The following NOS1 variants were observed in gnomAD, a reference collection of about 807,000 sequenced individuals.
NOS1 encodes nitric oxide synthase 1.
NOS1 carries 51 observed loss-of-function variants against 164.5 expected under a neutral mutation model. That is an observed-to-expected ratio of 0.31 (90% CI 0.25 to 0.39). The LOEUF (loss-of-function observed/expected upper bound fraction) is 0.39, where lower values mean the gene tolerates loss of function less well. Among genes scored for constraint, NOS1 ranks in the 10% least tolerant of loss-of-function variants. The pLI is 1.00. For synonymous variants in NOS1, 719 were observed against 745.8 expected (o/e 0.96, Z 0.59); for missense variants, 1,362 against 1,885.6 (o/e 0.72, Z 5.14).
intron 1 of NOS1, among the ~76,000 whole-genome samples, chr12:117,341,218 C>T (rs1308922795): frequency 1.3e-5 from 2 of 152,148 alleles, no homozygotes; most frequent in Admixed American, 6.5e-5. Context: ...GGTACGGACA[C>T]GTGGACTGGT....
At chr12:117,264,101 G>T in intron 12 of NOS1, 127 bp from the exon 13 acceptor site, 1 of 360,816 alleles carries the variant, frequency 2.8e-6, no homozygotes, top group South Asian at 2.8e-5. Flanking sequence ...GAAGAATTCT[G>T]CCCAGTGGTG....
At chr12:117,264,488 TTCTC>T (rs1214630555) in intron 12 of NOS1, among the ~76,000 whole-genome samples, 5 of 150,700 alleles carry the variant, frequency 3.3e-5, no homozygotes, top group Non-Finnish European at 5.9e-5. Context: ...TTTCCTTTCT[TTCTC>T]TTTCTTTCTC....
rs1956550463 is a variant in NOS1, at chr12:117,212,918, G to T, written c.*2391C>A. ...CATCAGATCGCTCTCCTGCCTTCTA[G>T]CCTGGAGTTGTGAAGCAGCTTGTGT... On this transcript the variant is annotated 3_prime_UTR_variant, in exon 29 of 29. Transcript: ENST00000317775. 1.0e-6 allele frequency: 1 copy of T among 985,268 alleles called. No individual in the cohort carries two copies. Among genetic ancestry groups the T allele is most frequent in the Non-Finnish European group, 1.2e-6 (1 of 829,926 alleles). 61.0% of individuals were successfully genotyped at this position (985,268 alleles called of 1,614,324 possible). A position where few individuals can be genotyped will look rare whatever the true frequency, so the allele number is the denominator to read the frequency against.
chr12:117,348,151 C>T (rs1486517220), intron 1 of NOS1: 2 of 151,926 alleles, frequency 1.3e-5, no homozygotes, highest in African/African-American at 4.8e-5. Context: ...CGGGACACAT[C>T]CCCACCTGAG....
chr12:117,258,352 T>C, intron 16 of NOS1, 45 bp downstream of exon 16: 1 of 1,597,968 alleles, frequency 6.3e-7, no homozygotes. Context: ...AATGTCCAGT[T>C]ACCCTCGGGG....
At chr12:117,300,361 T>C (rs1218711377) in intron 3 of NOS1, among the ~76,000 whole-genome samples, 1 of 152,154 alleles carries the variant, frequency 6.6e-6, no homozygotes, top group African/African-American at 2.4e-5. Flanking sequence ...ATATACTCAC[T>C]CTTAAAACAA....
chr12:117,247,892 G>A (rs1413352781), intron 17 of NOS1, among the ~76,000 whole-genome samples: 2 of 149,550 alleles, frequency 1.3e-5, no homozygotes, highest in Admixed American at 1.3e-4. Flanking sequence ...CTTATAGTGA[G>A]CCAAGATAGC....
intron 2 of NOS1, among the ~76,000 whole-genome samples, chr12:117,322,133 CCTCT>C (rs1176619830): frequency 1.2e-4 from 15 of 130,268 alleles, no homozygotes; most frequent in East Asian, 2.7e-4. Flanking sequence ...TCCTTCCTTC[CCTCT>C]CTTTTTCCTT....
At chr12:117,343,372 G>T (rs1876206555) in intron 1 of NOS1, among the ~76,000 whole-genome samples, 1 of 152,172 alleles carries the variant, frequency 6.6e-6, no homozygotes, top group African/African-American at 2.4e-5. Context: ...TAATAATTTA[G>T]TTGTGGTCTA....
intron 2 of NOS1, among the ~76,000 whole-genome samples, chr12:117,316,133 G>A (rs1212706461): frequency 6.6e-6 from 1 of 152,138 alleles, no homozygotes; most frequent in Non-Finnish European, 1.5e-5. Context: ...GCCACATGTG[G>A]CTTAAGTCTA....
intron 1 of NOS1, among the ~76,000 whole-genome samples, chr12:117,338,896 G>C (rs1875964312): frequency 6.6e-6 from 1 of 152,208 alleles, no homozygotes; most frequent in South Asian, 2.1e-4. Flanking sequence ...TTTCAGCCCT[G>C]TTTCCCATCT....
intron 3 of NOS1, among the ~76,000 whole-genome samples, chr12:117,304,182 C>A (rs1555258247): frequency 2.0e-5 from 3 of 151,672 alleles, no homozygotes; most frequent in Admixed American, 6.6e-5. Flanking sequence ...AAAAAAAAAA[C>A]CACAAAAACA....
chr12:117,335,490 T>G (rs554963315), intron 1 of NOS1, among the ~76,000 whole-genome samples: 1 of 152,266 alleles, frequency 6.6e-6, no homozygotes, highest in African/African-American at 2.4e-5. Context: ...GTGAGGAAAT[T>G]AGTAGCTGAC....
Position 117,213,277 on chromosome 12 carries a change from A to G in NOS1, c.*2032T>C, listed in dbSNP as rs1956555186. The G allele has an allele frequency of 1.0e-6, 1 of 985,386 alleles. No homozygotes were observed. 61.0% of individuals were successfully genotyped at this position (985,386 alleles called of 1,614,324 possible). A position where few individuals can be genotyped will look rare whatever the true frequency, so the allele number is the denominator to read the frequency against. On this transcript the variant is annotated 3_prime_UTR_variant, in exon 29 of 29. Coordinates refer to ENST00000317775, the MANE Select transcript of NOS1 (RefSeq NM_000620.5). The stretch of plus-strand genomic sequence containing the variant: ...CAAAGCTATAAAGGATTGGAAAGAA[A>G]GCCTTTGGGAGGAAAGCTACTAGGA...
rs1871950738 is a variant in NOS1, at chr12:117,262,072, A to C, written c.2223-1463T>G. On this transcript the variant is annotated intron_variant, in intron 13 of 28. Coordinates refer to ENST00000317775, the MANE Select transcript of NOS1 (RefSeq NM_000620.5). ...CCCCCACCTGGGATTATCGGCGTTA[A>C]GTTCATTATTTTTTAGAATCAGGGA... 3.3e-5 allele frequency among the ~76,000 whole-genome samples: 5 copies of C among 152,308 alleles called. No homozygotes were observed. In the South Asian group the frequency reaches 1.0e-3, roughly 32 times the overall value.
intron 24 of NOS1, among the ~76,000 whole-genome samples, chr12:117,225,497 C>A (rs1417636825): frequency 6.6e-6 from 1 of 152,168 alleles, no homozygotes; most frequent in East Asian, 1.9e-4. Flanking sequence ...CGGCTTCCAC[C>A]CACTAGATGC....
intron 2 of NOS1, among the ~76,000 whole-genome samples, chr12:117,327,875 C>T (rs1237712208): frequency 6.6e-6 from 1 of 152,106 alleles, no homozygotes; most frequent in African/African-American, 2.4e-5. Flanking sequence ...TGTGATGGAG[C>T]CCCTGTCTTA....
rs200222625 is a variant in NOS1, at chr12:117,269,460, A to ATTTTTTTTTTTTTTTT, written c.1840-1317_1840-1316insAAAAAAAAAAAAAAAA. 4.5e-5 allele frequency among the ~76,000 whole-genome samples: 5 copies of ATTTTTTTTTTTTTTTT among 110,048 alleles called. 2 individuals are homozygous for ATTTTTTTTTTTTTTTT. The highest frequency in any genetic ancestry group is 9.0e-5 in the African/African-American group (2 of 22,286). The allele number at this position is 110,048 out of a possible 152,430, so 72.2% of individuals were successfully genotyped here. On this transcript the variant is annotated intron_variant, in intron 10 of 28. Transcript: ENST00000317775. ...GGCCCAGGGGGCAGGATCTCTGGAG[A>ATTTTTTTTTTTTTTTT]TTTGTTTTTTTTTTTTTTTTTTTTT...
chr12:117,299,494 C>A (rs1873657118), intron 3 of NOS1, among the ~76,000 whole-genome samples: 1 of 151,974 alleles, frequency 6.6e-6, no homozygotes, highest in Non-Finnish European at 1.5e-5. Context: ...AAAAAACTAG[C>A]CGGGCGTGGT....
Sources: allele counts gnomAD v4.1 joint callset (sites outside exome capture counted in the v4.1 genomes callset), GRCh38; gene constraint gnomAD v4.1.1; transcripts MANE v1.5; gene names NCBI Gene and HGNC (gene_info 2026-07-23, HGNC 2026-07-21).